CDH13: variants seen among roughly 807,000 people sequenced by gnomAD.
CDH13 encodes cadherin-13.
Under a neutral mutation model 63.8 loss-of-function variants are expected in CDH13, and 24 were observed. The ratio of observed to expected loss-of-function variants is 0.38; its 90% CI spans 0.27 to 0.53. The LOEUF (loss-of-function observed/expected upper bound fraction) is 0.53, where lower values mean the gene tolerates loss of function less well. Ranked by LOEUF, CDH13 falls within the 20% of genes least tolerant of loss-of-function variation. CDH13 has a pLI of 0.85. For missense variants in CDH13, 1,049 were observed against 903.1 expected (o/e 1.16, Z -2.07); for synonymous variants, 503 against 355.3 (o/e 1.42, Z -4.67).
At chr16:83,121,351 T>G (rs2035564575) in intron 3 of CDH13, among the ~76,000 whole-genome samples, 1 of 152,176 alleles carries the variant, frequency 6.6e-6, no homozygotes, top group Admixed American at 6.5e-5. Context: ...CTCTGCTAGC[T>G]AGGTAAATTG....
chr16:82,840,626 A>G (rs2038967477), intron 1 of CDH13, among the ~76,000 whole-genome samples: 1 of 148,236 alleles, frequency 6.7e-6, no homozygotes, highest in African/African-American at 2.5e-5. Flanking sequence ...CGGAGGTTGC[A>G]GTGAGCTGAG....
At chr16:83,687,833 C>T (rs143769097) in intron 10 of CDH13, among the ~76,000 whole-genome samples, 2 of 152,182 alleles carry the variant, frequency 1.3e-5, no homozygotes, top group African/African-American at 4.8e-5. Flanking sequence ...TCTTCCGAAG[C>T]CTTGATCCAA....
chr16:82,737,865 T>C (rs1567483129), intron 1 of CDH13, among the ~76,000 whole-genome samples: 2 of 152,248 alleles, frequency 1.3e-5, no homozygotes, highest in South Asian at 2.1e-4. Context: ...AGTTTGGATA[T>C]ATACAAGCAC....
chr16:83,461,804 A>G (rs1322567639), intron 6 of CDH13, among the ~76,000 whole-genome samples: 2 of 152,244 alleles, frequency 1.3e-5, no homozygotes, highest in Non-Finnish European at 2.9e-5. Context: ...AGGGGAATGT[A>G]TAAGAGCTAT....
intron 7 of CDH13, among the ~76,000 whole-genome samples, chr16:83,522,982 C>A (rs1477851343): frequency 6.6e-6 from 1 of 152,230 alleles, no homozygotes; most frequent in Non-Finnish European, 1.5e-5. Context: ...CTAGAACTTT[C>A]TTCCTTTATG....
intron 6 of CDH13, among the ~76,000 whole-genome samples, chr16:83,349,247 C>T (rs2090901822): frequency 6.6e-6 from 1 of 152,188 alleles, no homozygotes; most frequent in African/African-American, 2.4e-5. Context: ...TCCTTGGGGG[C>T]ATACAGATCT....
intron 2 of CDH13, among the ~76,000 whole-genome samples, chr16:82,970,391 T>C (rs1908548502): frequency 8.8e-6 from 1 of 114,008 alleles, no homozygotes; most frequent in Non-Finnish European, 2.0e-5. Context: ...TCTTTTTTTT[T>C]TTTTTTTTTT....
intron 3 of CDH13, among the ~76,000 whole-genome samples, chr16:83,073,695 C>A (rs1427566598): frequency 6.6e-6 from 1 of 151,908 alleles, no homozygotes; most frequent in East Asian, 1.9e-4. Flanking sequence ...GACACTATAG[C>A]TCTTCACAAA....
chr16:82,981,377 C>G (rs1182004495), intron 2 of CDH13, among the ~76,000 whole-genome samples: 1 of 152,128 alleles, frequency 6.6e-6, no homozygotes, highest in African/African-American at 2.4e-5. Flanking sequence ...AATCTCCAGT[C>G]TTGAAGCCCT....
chr16:82,778,705 A>C (rs182403766), intron 1 of CDH13, among the ~76,000 whole-genome samples: 2 of 152,026 alleles, frequency 1.3e-5, no homozygotes, highest in Admixed American at 6.6e-5. Flanking sequence ...AAACTAGTAG[A>C]TTTGAACTCA....
At chr16:82,842,528 C>T (rs2039078808) in intron 1 of CDH13, among the ~76,000 whole-genome samples, 1 of 151,980 alleles carries the variant, frequency 6.6e-6, no homozygotes, top group Admixed American at 6.6e-5. Flanking sequence ...CTTACTCACC[C>T]CTCCATGAGG....
chr16:83,076,558 C>T (rs1473870212), intron 3 of CDH13, among the ~76,000 whole-genome samples: 2 of 152,146 alleles, frequency 1.3e-5, no homozygotes, highest in Admixed American at 1.3e-4. Context: ...ACTAAACCAC[C>T]ATGTGCCCAT....
chr16:83,437,177 A>G (rs1421149714), intron 6 of CDH13, among the ~76,000 whole-genome samples: 1 of 152,062 alleles, frequency 6.6e-6, no homozygotes, highest in African/African-American at 2.4e-5. Context: ...AAAAGCACAG[A>G]GTCCAGAAGG....
At chr16:83,264,479 TTGTG>T (rs1166287281) in intron 5 of CDH13, among the ~76,000 whole-genome samples, 1 of 152,124 alleles carries the variant, frequency 6.6e-6, no homozygotes, top group Admixed American at 6.5e-5. Flanking sequence ...TATATAGTAT[TTGTG>T]TGTGTACATA....
chr16:83,506,176 G>A (rs1005793177), intron 7 of CDH13, among the ~76,000 whole-genome samples: 6 of 152,206 alleles, frequency 3.9e-5, no homozygotes, highest in Admixed American at 3.9e-4. Context: ...GGGGAGGAAA[G>A]AAGATGCTGT....
chr16:83,109,713 G>T (rs905445626), intron 3 of CDH13, among the ~76,000 whole-genome samples: 1 of 152,152 alleles, frequency 6.6e-6, no homozygotes, highest in African/African-American at 2.4e-5. Context: ...AGCCCCACCT[G>T]TAGAGCGCTG....
chr16:83,550,201 G>A (rs992425455), intron 7 of CDH13, among the ~76,000 whole-genome samples: 1 of 152,202 alleles, frequency 6.6e-6, no homozygotes, highest in South Asian at 2.1e-4. Context: ...GAAGCCCCAA[G>A]TACTTGAGAG....
chr16:82,684,858 C>G (rs912192975), intron 1 of CDH13, among the ~76,000 whole-genome samples: 9 of 152,318 alleles, frequency 5.9e-5, no homozygotes, highest in African/African-American at 1.7e-4. Flanking sequence ...CTTCTGAGAG[C>G]TGAGGAAGAT....
At chr16:83,311,875 G>C (rs1023926585) in intron 5 of CDH13, among the ~76,000 whole-genome samples, 12 of 152,068 alleles carry the variant, frequency 7.9e-5, no homozygotes, top group African/African-American at 2.9e-4. Context: ...AGGATTTCGA[G>C]ACCAACCTGA....
Sources: allele counts gnomAD v4.1 joint callset (sites outside exome capture counted in the v4.1 genomes callset), GRCh38; gene constraint gnomAD v4.1.1; transcripts MANE v1.5; gene names NCBI Gene and HGNC (gene_info 2026-07-23, HGNC 2026-07-21).